Variants in QRSL1 observed in about 807,000 individuals in gnomAD.
QRSL1 encodes the protein glutaminyl-tRNA amidotransferase subunit QRSL1.
In QRSL1, 54 loss-of-function variants were observed where a neutral mutation model predicts 61.6. The ratio of observed to expected loss-of-function variants is 0.88; its 90% confidence interval spans 0.70 to 1.10. QRSL1 has a LOEUF of 1.10. Among genes scored for constraint, QRSL1 ranks in the 50% least tolerant of loss-of-function variants. The pLI is 0.00. For missense variants in QRSL1, 505 were observed against 622.6 expected (o/e 0.81, Z 2.01); for synonymous variants, 228 against 225.7 (o/e 1.01, Z -0.09).
In QRSL1 at chr6:106,666,512, C is replaced by T. The variant is rs1258939550; in HGVS notation, c.*510C>T. 1.9e-5 allele frequency: 3 copies of T among 161,344 alleles called. No individual in the cohort carries two copies. The highest frequency in any genetic ancestry group is 7.2e-5 in the African/African-American group (3 of 41,444). The allele number at this position is 161,344 out of a possible 1,614,324, so 10.0% of individuals were successfully genotyped here. On this transcript the variant is annotated 3_prime_UTR_variant, in exon 11 of 11. Transcript: ENST00000369046. ...GTAAGCATCCACTAAGTGTACAATA[C>T]TTCTACAATAACACAAGATACCTGT... is the stretch of plus-strand genomic sequence containing the variant.
chr6:106,653,011 G>A, intron 7 of QRSL1: 1 of 323,952 alleles, frequency 3.1e-6, no homozygotes, highest in Non-Finnish European at 5.6e-6. Context: ...CTGGCCTATG[G>A]GCCATAGTTT....
intron 9 of QRSL1, among the ~76,000 whole-genome samples, chr6:106,660,010 T>C (rs529327842): frequency 1.8e-4 from 28 of 152,278 alleles, no homozygotes; most frequent in African/African-American, 6.3e-4. Flanking sequence ...GCTCTCTCTT[T>C]GTGCCACTCC....
intron 4 of QRSL1, among the ~76,000 whole-genome samples, chr6:106,646,207 A>G (rs72946522): frequency 0.096 from 14,686 of 152,206 alleles, 968 homozygotes; most frequent in African/African-American, 0.18. Context: ...CCATGAGAGT[A>G]TATTTGAACA....
intron 1 of QRSL1, among the ~76,000 whole-genome samples, chr6:106,631,658 GT>G (rs112157126): frequency 4.0e-4 from 61 of 151,394 alleles, no homozygotes; most frequent in African/African-American, 1.5e-3. Context: ...TCTTATGATT[GT>G]TTTTAAAAAA....
At chr6:106,648,153 C>T (rs1021688023) in intron 4 of QRSL1, among the ~76,000 whole-genome samples, 3 of 151,452 alleles carry the variant, frequency 2.0e-5, no homozygotes, top group African/African-American at 7.3e-5. Flanking sequence ...AAAATTAGCC[C>T]GGCGTGATGG....
rs1777464652 is a variant in QRSL1, at chr6:106,667,746, T to C, written c.*1744T>C. ...CCAGGCTTAGTAATATTCCTATAGA[T>C]TTTGACTCTGAATCCCTGAAAGAGG... is the stretch of plus-strand genomic sequence containing the variant. On this transcript the variant is annotated 3_prime_UTR_variant, in exon 11 of 11. Transcript: ENST00000369046. 6.6e-6 allele frequency: 1 copy of C among 152,002 alleles called. No homozygotes were observed. The highest frequency in any genetic ancestry group is 2.1e-4 in the South Asian group (1 of 4,814). The allele number at this position is 152,002 out of a possible 1,614,324, so 9.4% of individuals were successfully genotyped here. A position where few individuals can be genotyped will look rare whatever the true frequency, so the allele number is the denominator to read the frequency against.
chr6:106,663,742 C>T (rs1777395129), intron 10 of QRSL1, among the ~76,000 whole-genome samples: 1 of 152,126 alleles, frequency 6.6e-6, no homozygotes, highest in Non-Finnish European at 1.5e-5. Context: ...CAGATCCAAA[C>T]CATATCCGTA....
chr6:106,662,700 T>C (rs1777375321), intron 9 of QRSL1, among the ~76,000 whole-genome samples: 1 of 152,300 alleles, frequency 6.6e-6, no homozygotes, highest in South Asian at 2.1e-4. Flanking sequence ...TTCTCAACAG[T>C]CTGTTTCAGT....
intron 1 of QRSL1, among the ~76,000 whole-genome samples, chr6:106,632,539 A>G (rs7748400): frequency 0.079 from 11,936 of 151,938 alleles, 1,199 homozygotes; most frequent in African/African-American, 0.22. Context: ...TTAGGTTTTT[A>G]AGGCACCTCC....
chr6:106,630,803 G>C (rs1203298326), intron 1 of QRSL1, among the ~76,000 whole-genome samples: 2 of 152,110 alleles, frequency 1.3e-5, no homozygotes, highest in Non-Finnish European at 2.9e-5. Context: ...TGGCAGCGTG[G>C]AATTATAATT....
At chr6:106,648,755 C>A (rs1777151586) in intron 4 of QRSL1, among the ~76,000 whole-genome samples, 1 of 152,190 alleles carries the variant, frequency 6.6e-6, no homozygotes, top group Non-Finnish European at 1.5e-5. Flanking sequence ...AAATCATCTT[C>A]AGTTGAATTG....
intron 9 of QRSL1, among the ~76,000 whole-genome samples, chr6:106,662,466 T>A (rs1374761808): frequency 2.0e-5 from 3 of 150,104 alleles, no homozygotes; most frequent in Non-Finnish European, 4.4e-5. Flanking sequence ...TGCCTCCTCA[T>A]AAAAGCCAAG....
chr6:106,665,094 A>G (rs1032585983), intron 10 of QRSL1, among the ~76,000 whole-genome samples: 2 of 152,208 alleles, frequency 1.3e-5, no homozygotes, highest in African/African-American at 2.4e-5. Context: ...AAATTTGGCC[A>G]ATAAGAGCCC....
chr6:106,630,351 C>T, intron 1 of QRSL1, among the ~76,000 whole-genome samples: 1 of 152,076 alleles, frequency 6.6e-6, no homozygotes, highest in East Asian at 1.9e-4. Flanking sequence ...CTTAAAAAAG[C>T]TCTGGTATTT....
intron 10 of QRSL1, 33 bp from the exon 11 acceptor site, chr6:106,665,749 T>G: frequency 3.2e-6 from 5 of 1,572,876 alleles, no homozygotes; most frequent in Non-Finnish European, 4.4e-6. Context: ...GGGTGGAGAA[T>G]TAATCACCTA....
At chr6:106,665,648 T>C in intron 10 of QRSL1, 134 bp from the exon 11 acceptor site, 1 of 741,872 alleles carries the variant, frequency 1.3e-6, no homozygotes, top group Non-Finnish European at 2.4e-6. Flanking sequence ...TACAAAAGCA[T>C]TATATAGCAT....
chr6:106,644,767 G>T (rs1326300538), intron 4 of QRSL1, among the ~76,000 whole-genome samples: 3 of 152,072 alleles, frequency 2.0e-5, no homozygotes, highest in African/African-American at 4.8e-5. Flanking sequence ...TGATCTGCCC[G>T]CCTGGTCTCC....
chr6:106,638,462 G>A (rs562172538), intron 1 of QRSL1, among the ~76,000 whole-genome samples: 8 of 152,046 alleles, frequency 5.3e-5, no homozygotes, highest in Middle Eastern at 3.4e-3. Context: ...GCACCACCAC[G>A]CCTGGCTAAT....
intron 2 of QRSL1, 111 bp from the exon 3 acceptor site, chr6:106,640,712 T>G: frequency 9.1e-7 from 1 of 1,104,862 alleles, no homozygotes; most frequent in Non-Finnish European, 1.3e-6. Context: ...TAAATTTGTT[T>G]TCTGAAGAAG....
Sources: allele counts gnomAD v4.1 joint callset (sites outside exome capture counted in the v4.1 genomes callset), GRCh38; gene constraint gnomAD v4.1.1; transcripts MANE v1.5; gene names NCBI Gene and HGNC (gene_info 2026-07-23, HGNC 2026-07-21).